The following MCTP2 variants were observed in gnomAD, a reference collection of about 807,000 sequenced individuals.
MCTP2 encodes the protein multiple C2 and transmembrane domain-containing protein 2.
A neutral mutation model predicts 111.6 loss-of-function variants in MCTP2; 132 were observed. The observed-to-expected ratio is 1.18, with a 90% CI of 1.03 to 1.37. The LOEUF (loss-of-function observed/expected upper bound fraction) is 1.37, where lower values mean the gene tolerates loss of function less well. Ranked by LOEUF, MCTP2 falls within the 40% of genes most tolerant of loss-of-function variation. MCTP2 has a pLI of 0.00. For missense variants in MCTP2, 1,183 were observed against 1,067.9 expected (o/e 1.11, Z -1.50); for synonymous variants, 395 against 387.7 (o/e 1.02, Z -0.22).
rs2077599035 is a variant in MCTP2, at chr15:94,340,834, A to G, written c.879A>G (p.Lys293=). The change falls in exon 7 of 23, where the codon AAA becomes AAG. Residue 293 remains lysine (K), a synonymous_variant. Coordinates refer to ENST00000357742, the MANE Select transcript of MCTP2 (RefSeq NM_001385001.1). The stretch of plus-strand genomic sequence containing the variant: ...GTAGAACAACTGAACATATTTTAAA[A>G]CTGGAAGATCCAAACAGTTTAGAAG... The part of the protein sequence containing the change: ...ELNRTTEHIL[K]LEDPNSLEDD... 1 of 1,610,824 alleles carries G rather than the reference A, an allele frequency of 6.2e-7. No homozygotes were observed. The highest frequency in any genetic ancestry group is 8.5e-7 in the Non-Finnish European group (1 of 1,178,210).
chr15:94,440,410 C>A, intron 18 of MCTP2, 112 bp downstream of exon 18: 1 of 1,374,106 alleles, frequency 7.3e-7, no homozygotes. Context: ...GTGTAAGGAG[C>A]AGCCCTGCAA....
chr15:94,349,688 C>T (rs191075642), intron 8 of MCTP2, among the ~76,000 whole-genome samples: 1 of 151,978 alleles, frequency 6.6e-6, no homozygotes, highest in Admixed American at 6.6e-5. Flanking sequence ...GGCGTGGTGG[C>T]ATGCGCCTGT....
At chr15:94,243,287 GTA>G (rs1567250655) in intron 1 of MCTP2, among the ~76,000 whole-genome samples, 1 of 146,710 alleles carries the variant, frequency 6.8e-6, no homozygotes, top group Non-Finnish European at 1.5e-5. Context: ...ATACGTATGC[GTA>G]TATGCATATA....
At chr15:94,464,009 T>C (rs571303697) in intron 20 of MCTP2, among the ~76,000 whole-genome samples, 18 of 151,674 alleles carry the variant, frequency 1.2e-4, no homozygotes, top group African/African-American at 4.3e-4. Context: ...GTTATGATCA[T>C]CAGTGAGATT....
intron 1 of MCTP2, among the ~76,000 whole-genome samples, chr15:94,245,206 TTA>T (rs2071735088): frequency 7.3e-6 from 1 of 136,466 alleles, no homozygotes; most frequent in Non-Finnish European, 1.6e-5. Context: ...ATGTATATAT[TTA>T]TACATATGTG....
At chr15:94,475,624 T>C (rs1247016087) in intron 21 of MCTP2, among the ~76,000 whole-genome samples, 1 of 152,200 alleles carries the variant, frequency 6.6e-6, no homozygotes, top group African/African-American at 2.4e-5. Flanking sequence ...GATATGATCC[T>C]TGTTAAACAA....
At position 94,345,914 on chromosome 15, in the gene MCTP2, C is replaced by G. The variant is rs28439466; in HGVS notation, c.1005+750C>G. ...GTATTTGAGACTGTTCCTTCAGTTT[C>G]TGAATTGTGGTGGTGGTGGTGTGTG... On this transcript the variant is annotated intron_variant, in intron 8 of 22. Transcript: ENST00000357742. 3.5e-3 allele frequency among the ~76,000 whole-genome samples: 531 copies of G among 151,926 alleles called. 2 individuals are homozygous for G. Among genetic ancestry groups the G allele is most frequent in the African/African-American group, 0.012 (497 of 41,426 alleles).
chr15:94,401,553 G>T (rs1237776565), intron 16 of MCTP2, among the ~76,000 whole-genome samples: 1 of 151,678 alleles, frequency 6.6e-6, no homozygotes, highest in African/African-American at 2.4e-5. Context: ...TCTCTTTCTA[G>T]TTCTCTCTCT....
chr15:94,454,677 AACTT>A, intron 19 of MCTP2, among the ~76,000 whole-genome samples: 1 of 151,940 alleles, frequency 6.6e-6, no homozygotes, highest in African/African-American at 2.4e-5. Context: ...CTGAAGTACT[AACTT>A]CATTTTTGGA....
At chr15:94,249,193 T>C (rs573723589) in intron 1 of MCTP2, among the ~76,000 whole-genome samples, 1 of 152,320 alleles carries the variant, frequency 6.6e-6, no homozygotes, top group African/African-American at 2.4e-5. Flanking sequence ...AGTGGTTTCA[T>C]TTATTTTACA....
chr15:94,435,585 T>TAAAA (rs1393183269), intron 17 of MCTP2, among the ~76,000 whole-genome samples: 1 of 151,448 alleles, frequency 6.6e-6, no homozygotes, highest in African/African-American at 2.4e-5. Context: ...TTTGTACATT[T>TAAAA]AAAAAATCAT....
chr15:94,450,301 C>T (rs2152519626), intron 19 of MCTP2, among the ~76,000 whole-genome samples: 1 of 152,328 alleles, frequency 6.6e-6, no homozygotes, highest in South Asian at 2.1e-4. Context: ...CTCCCCACTC[C>T]ATTTTAATAG....
intron 14 of MCTP2, among the ~76,000 whole-genome samples, chr15:94,397,060 T>C (rs541083685): frequency 1.1e-4 from 16 of 152,310 alleles, no homozygotes. Context: ...GAATTTGGTG[T>C]TTGTGGAAGT....
Position 94,370,186 on chromosome 15 carries a change from G to A in MCTP2, c.1582+6G>A, listed in dbSNP as rs370318564. On this transcript the variant is annotated splice_donor_region_variant and intron_variant, in intron 12 of 22. Transcript: ENST00000357742. ...CTTAGCGGCAGATTTCTCAGGTACA[G>A]GACATTTTCATTTTCTAATTTATCT... 3 of 1,593,704 alleles carry A rather than the reference G, an allele frequency of 1.9e-6. No homozygotes were observed. In the African/African-American group the frequency reaches 4.1e-5, roughly 22 times the overall value.
At chr15:94,347,317 T>C (rs1276649727) in intron 8 of MCTP2, among the ~76,000 whole-genome samples, 3 of 152,178 alleles carry the variant, frequency 2.0e-5, no homozygotes, top group Non-Finnish European at 1.5e-5. Context: ...TTTAATATTA[T>C]GTAATAATTT....
At chr15:94,325,395 C>T (rs1019653069) in intron 4 of MCTP2, among the ~76,000 whole-genome samples, 5 of 152,158 alleles carry the variant, frequency 3.3e-5, no homozygotes, top group South Asian at 2.1e-4. Flanking sequence ...TTTGTTTTTG[C>T]ATTTCGCCTG....
At chr15:94,241,584 G>T (rs995495812) in intron 1 of MCTP2, among the ~76,000 whole-genome samples, 1 of 152,152 alleles carries the variant, frequency 6.6e-6, no homozygotes, top group Non-Finnish European at 1.5e-5. Context: ...GCTTTTTAAA[G>T]TATGTGATTA....
At chr15:94,280,598 C>A (rs1189854580) in intron 1 of MCTP2, among the ~76,000 whole-genome samples, 1 of 151,558 alleles carries the variant, frequency 6.6e-6, no homozygotes, top group Non-Finnish European at 1.5e-5. Flanking sequence ...CAATTTGATT[C>A]AGTTCAACTC....
At chr15:94,238,562 T>C (rs1381388071) in intron 1 of MCTP2, among the ~76,000 whole-genome samples, 1 of 152,256 alleles carries the variant, frequency 6.6e-6, no homozygotes, top group Admixed American at 6.5e-5. Context: ...GCATGTGCTA[T>C]ACATGTTATG....
Sources: allele counts gnomAD v4.1 joint callset (sites outside exome capture counted in the v4.1 genomes callset), GRCh38; gene constraint gnomAD v4.1.1; transcripts MANE v1.5; gene names NCBI Gene and HGNC (gene_info 2026-07-23, HGNC 2026-07-21).